Variants in XAF1 observed in about 807,000 individuals in gnomAD.
XAF1 encodes XIAP associated factor 1, also known as XIAP-associated factor 1.
A neutral mutation model predicts 32.3 loss-of-function variants in XAF1; 32 were observed. The observed-to-expected ratio is 0.99, with a 90% CI of 0.75 to 1.33. The LOEUF (loss-of-function observed/expected upper bound fraction) is 1.33, where lower values mean the gene tolerates loss of function less well. Ranked by LOEUF, XAF1 falls within the 40% of genes most tolerant of loss-of-function variation. XAF1 has a pLI of 0.00. For missense variants in XAF1, 379 were observed against 366.0 expected (o/e 1.04, Z -0.29); for synonymous variants, 120 against 125.9 (o/e 0.95, Z 0.31).
At chr17:6,769,040 C>CTT (rs58165342) in intron 5 of XAF1, among the ~76,000 whole-genome samples, 1 of 151,238 alleles carries the variant, frequency 6.6e-6, no homozygotes, top group African/African-American at 2.4e-5. Context: ...TCATGACTCT[C>CTT]TTTTTTTTCA....
intron 5 of XAF1, among the ~76,000 whole-genome samples, chr17:6,762,910 A>C (rs1326422942): frequency 6.6e-6 from 1 of 152,236 alleles, no homozygotes; most frequent in Non-Finnish European, 1.5e-5. Flanking sequence ...CAGTGCTTAA[A>C]ACTACAGAAT....
At position 6,773,252 on chromosome 17, in the gene XAF1, G is replaced by C; in HGVS notation, c.*83G>C. On this transcript the variant is annotated 3_prime_UTR_variant, in exon 7 of 7. Transcript: ENST00000361842. ...CCTGCCTACTTGCTGTGGTGGTCTT[G>C]TGAAAGGTGATGGGTTTTATTCGTT... 7.6e-7 allele frequency: 1 copy of C among 1,310,526 alleles called. No homozygotes were observed. Among genetic ancestry groups the C allele is most frequent in the Non-Finnish European group, 1.0e-6 (1 of 953,550 alleles). 81.2% of individuals were successfully genotyped at this position (1,310,526 alleles called of 1,614,324 possible).
intron 4 of XAF1, among the ~76,000 whole-genome samples, chr17:6,761,428 G>A (rs980483624): frequency 2.6e-5 from 4 of 152,196 alleles, no homozygotes; most frequent in Non-Finnish European, 5.9e-5. Context: ...TGGCTCCCTG[G>A]TACCATTTTA....
chr17:6,755,629 G>C (rs1009812885), upstream of XAF1: 4 of 1,017,848 alleles, frequency 3.9e-6, no homozygotes, highest in Non-Finnish European at 4.7e-6. Flanking sequence ...CATTTTTAGG[G>C]AACAGCATTC....
intron 1 of XAF1, among the ~76,000 whole-genome samples, chr17:6,756,887 C>T (rs1204901633): frequency 2.0e-5 from 3 of 152,174 alleles, no homozygotes; most frequent in Non-Finnish European, 2.9e-5. Context: ...TAACTCTTCT[C>T]GTCCCCTGGG....
At chr17:6,755,463 T>C (rs188530567), upstream of XAF1, 111 of 986,558 alleles carry the variant, frequency 1.1e-4, no homozygotes, top group African/African-American at 1.9e-3. Flanking sequence ...TGTTTAGAGT[T>C]CTTCTGTTAG....
intron 1 of XAF1, among the ~76,000 whole-genome samples, chr17:6,756,675 G>A (rs772922379): frequency 8.5e-5 from 13 of 152,148 alleles, no homozygotes; most frequent in Non-Finnish European, 1.6e-4. Flanking sequence ...AGAGAGCTTT[G>A]CTCCAGCCAG....
chr17:6,770,588 C>A, intron 5 of XAF1, 55 bp from the exon 6 acceptor site: 1 of 1,410,312 alleles, frequency 7.1e-7, no homozygotes, highest in Non-Finnish European at 9.6e-7. Context: ...ACTGTATTTT[C>A]TGACCATTAA....
rs757570372 is a variant in XAF1 at position 6,770,943 on chromosome 17, T to C, written c.808T>C (p.Cys270Arg). The change falls in exon 6 of 7, where the codon TGT (cysteine) becomes CGT (arginine). Residue 270 changes from cysteine to arginine, a missense_variant. Transcript: ENST00000361842. ...TGACATTCTGAGGAGATGTTCTCAG[T>C]GTGGCATCCTGCTTCCCCTGCCGAT... ...AYDILRRCSQCGILLPLPILN... is the reference protein window; with the variant it reads ...AYDILRRCSQRGILLPLPILN... 9 of 1,614,112 alleles carry C rather than the reference T, an allele frequency of 5.6e-6. No individual in the cohort carries two copies. Among genetic ancestry groups the C allele is most frequent in the Non-Finnish European group, 7.6e-6 (9 of 1,180,006 alleles).
intron 5 of XAF1, among the ~76,000 whole-genome samples, chr17:6,764,887 C>A (rs1975477954): frequency 6.6e-6 from 1 of 152,178 alleles, no homozygotes; most frequent in Non-Finnish European, 1.5e-5. Context: ...ATGCTCAGTT[C>A]TCAGTTCTCA....
chr17:6,760,665 T>C (rs905876053), intron 4 of XAF1, 64 bp downstream of exon 4: 1 of 1,498,360 alleles, frequency 6.7e-7, no homozygotes, highest in East Asian at 2.3e-5. Flanking sequence ...CTGGATGGGA[T>C]GCAAGGAAGG....
chr17:6,764,058 G>C (rs1255584862), intron 5 of XAF1, among the ~76,000 whole-genome samples: 1 of 152,158 alleles, frequency 6.6e-6, no homozygotes, highest in Non-Finnish European at 1.5e-5. Context: ...CAGGGAAGTG[G>C]GGAGCTCCAA....
chr17:6,762,336 T>C lies in XAF1; in HGVS notation c.507+96T>C, dbSNP rs752968489. 3 of 980,304 alleles carry C rather than the reference T, an allele frequency of 3.1e-6. 1 individual carries two copies. The highest frequency in any genetic ancestry group is 3.4e-5 in the South Asian group (2 of 59,650). The allele number at this position is 980,304 out of a possible 1,614,324, so 60.7% of individuals were successfully genotyped here. On this transcript the variant is annotated intron_variant, in intron 5 of 6. Transcript: ENST00000361842. Reference sequence around the variant, plus strand: ...GGCAGATTCTGGGCCCAATTTTACATAGCATGGATATTAAAGGGTCCCATA... The same window carrying C: ...GGCAGATTCTGGGCCCAATTTTACACAGCATGGATATTAAAGGGTCCCATA...
intron 5 of XAF1, among the ~76,000 whole-genome samples, chr17:6,765,202 A>C (rs1975510455): frequency 1.3e-5 from 2 of 152,178 alleles, no homozygotes. Flanking sequence ...TCACAAGGTC[A>C]GGAGATCGAG....
At chr17:6,768,210 G>A (rs765408278) in intron 5 of XAF1, among the ~76,000 whole-genome samples, 9 of 151,514 alleles carry the variant, frequency 5.9e-5, no homozygotes, top group East Asian at 1.9e-4. Flanking sequence ...TGCAGCCTTC[G>A]CCTCCTGGGT....
rs1975022672 is a variant in XAF1, at chr17:6,759,688, C to G, written c.195C>G (p.Ser65Arg). 2.0e-5 allele frequency: 32 copies of G among 1,613,636 alleles called. No individual in the cohort carries two copies. Among genetic ancestry groups the G allele is most frequent in the Non-Finnish European group, 2.7e-5 (32 of 1,180,018 alleles). The change falls in exon 3 of 7, where the codon AGC (serine) becomes AGG (arginine). Residue 65 changes from serine to arginine, a missense_variant. Ser to Arg is a moderately radical substitution (Grantham distance 110). Coordinates refer to ENST00000361842, the MANE Select transcript of XAF1 (RefSeq NM_017523.5). Reference protein sequence around the residue: ...QQVGCTMCQQSMQKSSLEFHK... With the variant: ...QQVGCTMCQQRMQKSSLEFHK... ...TTGGGTGTACGATGTGTCAGCAGAGCATGCAGAAGTCCTCGCTGGAGTTTC... is the reference window on the plus strand; with the variant it reads ...TTGGGTGTACGATGTGTCAGCAGAGGATGCAGAAGTCCTCGCTGGAGTTTC...
chr17:6,759,429 G>T, intron 2 of XAF1: 1 of 1,414,640 alleles, frequency 7.1e-7, no homozygotes, highest in Non-Finnish European at 9.2e-7. Flanking sequence ...TGTCTCTCTG[G>T]AGATACTCAA....
intron 1 of XAF1, 135 bp downstream of exon 1, chr17:6,756,245 T>C (rs1276641592): frequency 6.8e-7 from 1 of 1,464,448 alleles, no homozygotes. Context: ...CTGGAGACCG[T>C]GGGCCCCAAG....
At chr17:6,757,201 C>T (rs563869909) in intron 1 of XAF1, among the ~76,000 whole-genome samples, 2 of 152,294 alleles carry the variant, frequency 1.3e-5, no homozygotes, top group South Asian at 4.2e-4. Context: ...TGAGGTTTCA[C>T]CATGTTGGCC....
Sources: allele counts gnomAD v4.1 joint callset (sites outside exome capture counted in the v4.1 genomes callset), GRCh38; gene constraint gnomAD v4.1.1; transcripts MANE v1.5; gene names NCBI Gene and HGNC (gene_info 2026-07-23, HGNC 2026-07-21).